Variants in PRKAR1B observed in about 807,000 individuals in gnomAD.
The protein encoded by PRKAR1B is cAMP-dependent protein kinase type I-beta regulatory subunit.
A neutral mutation model predicts 46.5 loss-of-function variants in PRKAR1B; 22 were observed. The ratio of observed to expected loss-of-function variants is 0.47; its 90% CI spans 0.34 to 0.68. The LOEUF is 0.68. Among genes scored for constraint, PRKAR1B ranks in the 30% least tolerant of loss-of-function variants. The pLI is 0.01. For missense variants in PRKAR1B, 445 were observed against 535.6 expected, an observed-to-expected ratio of 0.83 and a Z score of 1.67; for synonymous variants, 259 against 217.7, an observed-to-expected ratio of 1.19 and a Z score of -1.67.
chr7:678,396 T>C (rs1355526410), intron 3 of PRKAR1B, among the ~76,000 whole-genome samples: 10 of 152,238 alleles, frequency 6.6e-5, no homozygotes, highest in Admixed American at 6.5e-4. Flanking sequence ...AGTGTGTGCC[T>C]GTATGCAGTA....
chr7:550,267 AT>A lies in PRKAR1B; in HGVS notation c.*162del. 2 of 617,594 alleles carry A rather than the reference AT, an allele frequency of 3.2e-6. No individual in the cohort carries two copies. Among genetic ancestry groups the A allele is most frequent in the Non-Finnish European group, 5.8e-6 (2 of 346,980 alleles). 38.3% of individuals were successfully genotyped at this position (617,594 alleles called of 1,614,324 possible). A position where few individuals can be genotyped will look rare whatever the true frequency, so the allele number is the denominator to read the frequency against. On this transcript the variant is annotated 3_prime_UTR_variant, in exon 11 of 11. Transcript: ENST00000537384. ...TGATTTGGAAATGCACAAGGTGATC[AT>A]TTATTCCAAAAAGTGAGTCCGGGGA...
intron 1 of PRKAR1B, chr7:726,746 C>A: frequency 8.0e-7 from 1 of 1,245,810 alleles, no homozygotes; most frequent in African/African-American, 1.5e-5. Context: ...GTGGCGGAGG[C>A]CGTGGCGGCC....
At position 551,399 on chromosome 7, in the gene PRKAR1B, A is replaced by G; in HGVS notation, c.963T>C (p.Ser321=). The G allele has an allele frequency of 6.4e-7, 1 of 1,558,668 alleles. No individual in the cohort carries two copies. The highest frequency in any genetic ancestry group is 8.7e-7 in the Non-Finnish European group (1 of 1,151,066). The part of the protein sequence containing the change: ...EYVEVGRLGP[S]DYFGEIALLL... ...GCCCACTGGACTCACCGAAGTAGTC[A>G]GAGGGTCCCAGGCGCCCCACCTCCA... is the stretch of plus-strand genomic sequence containing the variant. The change falls in exon 10 of 11, where the codon TCT becomes TCC. Residue 321 remains serine, a synonymous_variant. Coordinates refer to ENST00000537384, the MANE Select transcript of PRKAR1B (RefSeq NM_001164760.2).
intron 2 of PRKAR1B, among the ~76,000 whole-genome samples, chr7:705,017 C>T (rs1370021938): frequency 1.3e-5 from 2 of 150,158 alleles, no homozygotes; most frequent in African/African-American, 2.5e-5. Flanking sequence ...TAGGGCCGGG[C>T]GCAGTGGCTC....
chr7:579,578 G>T lies in PRKAR1B; in HGVS notation c.770-201C>A, dbSNP rs562345502. 2.0e-4 allele frequency among the ~76,000 whole-genome samples: 31 copies of T among 152,386 alleles called. 1 individual carries two copies. Among genetic ancestry groups the T allele is most frequent in the African/African-American group, 7.2e-4 (30 of 41,602 alleles). On this transcript the variant is annotated intron_variant, in intron 8 of 10. Coordinates refer to ENST00000537384, the MANE Select transcript of PRKAR1B (RefSeq NM_001164760.2). ...GCCAGGGGGCCTGGGTTTTCTTGCA[G>T]TCAGTGGGTCCCAGACGCATGCAGC...
intron 2 of PRKAR1B, among the ~76,000 whole-genome samples, chr7:685,219 G>GTT (rs1166690280): frequency 3.8e-5 from 5 of 132,548 alleles, no homozygotes; most frequent in Non-Finnish European, 4.8e-5. Flanking sequence ...TATATAACAT[G>GTT]TTATATATAT....
chr7:676,282 C>T (rs1786576530), intron 4 of PRKAR1B, among the ~76,000 whole-genome samples: 1 of 152,168 alleles, frequency 6.6e-6, no homozygotes. Context: ...CGTCCAAGCC[C>T]CTTCACGCTC....
Position 685,328 on chromosome 7 carries a change from G to A in PRKAR1B, c.178-4602C>T, listed in dbSNP as rs1399080623. On this transcript the variant is annotated intron_variant, in intron 2 of 10. Transcript: ENST00000537384. ...TATACGTATATATACGTATATATACGTATATATACGTATATATATGTATAC... is the reference window on the plus strand; with the variant it reads ...TATACGTATATATACGTATATATACATATATATACGTATATATATGTATAC... Among the ~76,000 whole-genome samples, 20 of 48,272 alleles carry A rather than the reference G, an allele frequency of 4.1e-4. 1 individual carries two copies. Among genetic ancestry groups the A allele is most frequent in the South Asian group, 3.3e-3 (4 of 1,204 alleles). 31.7% of individuals were successfully genotyped at this position (48,272 alleles called of 152,430 possible).
intron 9 of PRKAR1B, among the ~76,000 whole-genome samples, chr7:575,662 C>T (rs1779776416): frequency 6.6e-6 from 1 of 152,178 alleles, no homozygotes; most frequent in Non-Finnish European, 1.5e-5. Context: ...CCTCCCGCCT[C>T]CGCCTCCCAA....
chr7:616,076 AC>A (rs1314170439), intron 4 of PRKAR1B, among the ~76,000 whole-genome samples: 2 of 152,070 alleles, frequency 1.3e-5, no homozygotes, highest in Admixed American at 1.3e-4. Context: ...TGCTCTCACC[AC>A]TGCCGAGACC....
chr7:671,944 G>A lies in PRKAR1B; in HGVS notation c.440+5285C>T, dbSNP rs569177673. ...GAATGAAGCCATCCCACTCTATGAC[G>A]TGCAGGCCTCTCTCAATGTCCTTCA... On this transcript the variant is annotated intron_variant, in intron 4 of 10. Transcript: ENST00000537384. Among the ~76,000 whole-genome samples, 185 of 152,176 alleles carry A rather than the reference G, an allele frequency of 1.2e-3. 1 individual carries two copies. The highest frequency in any genetic ancestry group is 1.7e-3 in the Non-Finnish European group (115 of 67,996).
chr7:695,993 G>C (rs973579452), intron 2 of PRKAR1B, among the ~76,000 whole-genome samples: 1 of 130,606 alleles, frequency 7.7e-6, no homozygotes, highest in Non-Finnish European at 1.6e-5. Flanking sequence ...TTTTGAGATA[G>C]GGTCTTTCTC....
intron 6 of PRKAR1B, among the ~76,000 whole-genome samples, chr7:604,854 G>GGC (rs1562556017): frequency 6.6e-6 from 1 of 151,880 alleles, no homozygotes; most frequent in African/African-American, 2.4e-5. Flanking sequence ...GGTGGACAAG[G>GGC]AGAAGGGCAG....
At chr7:717,646 A>ACC (rs1780927961) in intron 1 of PRKAR1B, among the ~76,000 whole-genome samples, 2 of 152,234 alleles carry the variant, frequency 1.3e-5, no homozygotes, top group East Asian at 1.9e-4. Flanking sequence ...CAACAGAGTG[A>ACC]GACCTTGCCT....
chr7:699,054 AG>A (rs998936522), intron 2 of PRKAR1B, among the ~76,000 whole-genome samples: 6 of 152,148 alleles, frequency 3.9e-5, no homozygotes, highest in East Asian at 1.9e-4. Context: ...AAGAAGCAGA[AG>A]GGGGGGTTCC....
intron 10 of PRKAR1B, 145 bp from the exon 11 acceptor site, chr7:550,747 A>G (rs765209913): frequency 9.7e-5 from 62 of 640,734 alleles, no homozygotes; most frequent in Non-Finnish European, 1.5e-4. Context: ...AACTTGTAGC[A>G]TAAGTATAGC....
chr7:569,463 G>A (rs1779373338), intron 9 of PRKAR1B, among the ~76,000 whole-genome samples: 1 of 152,262 alleles, frequency 6.6e-6, no homozygotes, highest in South Asian at 2.1e-4. Flanking sequence ...CGAACGTCCA[G>A]CTCACTGGGA....
chr7:579,417 C>G (rs376923047), intron 8 of PRKAR1B, 40 bp from the exon 9 acceptor site: 149 of 1,607,186 alleles, frequency 9.3e-5, no homozygotes, highest in Non-Finnish European at 1.2e-4. Context: ...CCGGGGCCCA[C>G]GCCCCCACAG....
In PRKAR1B at chr7:671,108, A is replaced by G. The variant is rs933952183; in HGVS notation, c.440+6121T>C. Among the ~76,000 whole-genome samples, 3 of 152,286 alleles carry G rather than the reference A, an allele frequency of 2.0e-5. No individual in the cohort carries two copies. The East Asian group carries it at 5.8e-4, about 29-fold the overall frequency. On this transcript the variant is annotated intron_variant, in intron 4 of 10. Transcript: ENST00000537384. ...GCGACCGTCCACCTCCTTCTTCCTCAGGTTGAGGACTTGAGGGTTTCTAAA... is the reference window on the plus strand; with the variant it reads ...GCGACCGTCCACCTCCTTCTTCCTCGGGTTGAGGACTTGAGGGTTTCTAAA...
Sources: allele counts gnomAD v4.1 joint callset (sites outside exome capture counted in the v4.1 genomes callset), GRCh38; gene constraint gnomAD v4.1.1; transcripts MANE v1.5; gene names NCBI Gene and HGNC (gene_info 2026-07-23, HGNC 2026-07-21).